Variants in CORO1C observed in about 807,000 individuals in gnomAD.
The protein encoded by CORO1C is coronin-1C.
A neutral mutation model predicts 51.2 loss-of-function variants in CORO1C; 14 were observed. That is an observed-to-expected ratio of 0.27 (90% confidence interval 0.18 to 0.43). The LOEUF (loss-of-function observed/expected upper bound fraction) is 0.43. Among genes scored for constraint, CORO1C ranks in the 20% least tolerant of loss-of-function variants. The probability of loss-of-function intolerance (pLI) is 1.00; values close to 1 mark genes in which losing one functional copy is unlikely to be tolerated. For synonymous variants in CORO1C, 181 were observed against 210.5 expected (o/e 0.86, Z 1.21); for missense variants, 417 against 607.8 (o/e 0.69, Z 3.30).
At chr12:108,729,174 C>T (rs1167652109) in intron 1 of CORO1C, among the ~76,000 whole-genome samples, 1 of 152,158 alleles carries the variant, frequency 6.6e-6, no homozygotes, top group African/African-American at 2.4e-5. Context: ...TGACTCTCTT[C>T]CTCATGGTTG....
intron 2 of CORO1C, among the ~76,000 whole-genome samples, chr12:108,684,088 A>G (rs2034217450): frequency 6.6e-6 from 1 of 152,180 alleles, no homozygotes; most frequent in Non-Finnish European, 1.5e-5. Flanking sequence ...GGTATGCAAC[A>G]TACATACCTA....
At chr12:108,726,664 A>G (rs976149251) in intron 1 of CORO1C, among the ~76,000 whole-genome samples, 2 of 151,840 alleles carry the variant, frequency 1.3e-5, no homozygotes, top group African/African-American at 2.4e-5. Context: ...TAAAAAAAAA[A>G]AAAAAGAATG....
chr12:108,731,165 G>A lies in CORO1C; in HGVS notation c.-6+264C>T, dbSNP rs115217311. 0.025 allele frequency: 3,866 copies of A among 153,162 alleles called. 174 individuals are homozygous for A. The highest frequency in any genetic ancestry group is 0.089 in the African/African-American group (3,698 of 41,482). 9.5% of individuals were successfully genotyped at this position (153,162 alleles called of 1,614,324 possible). ...GACCTCGAAAGCCTCCTCCCCACAG[G>A]GACCCTGCTTCACGCTCCCCACGCC... On this transcript the variant is annotated intron_variant, in intron 1 of 10. Coordinates refer to ENST00000261401, the MANE Select transcript of CORO1C (RefSeq NM_014325.4). The surrounding 1 kb of genome is among the most constrained non-coding windows in gnomAD (Gnocchi z 5.2).
intron 4 of CORO1C, among the ~76,000 whole-genome samples, chr12:108,660,471 A>G (rs891450093): frequency 3.7e-4 from 55 of 147,870 alleles, no homozygotes; most frequent in Admixed American, 2.0e-3. Context: ...AAAAAAAAAA[A>G]AAGAAGTAGG....
At position 108,647,245 on chromosome 12, in the gene CORO1C, T is replaced by C; in HGVS notation, c.*158A>G. On this transcript the variant is annotated 3_prime_UTR_variant, in exon 11 of 11. Transcript: ENST00000261401. ...CAAATTTGGGAGACAAATTGAGTTCTTACTGGAATGTGGCCTATCGCTGGT... is the reference window on the plus strand; with the variant it reads ...CAAATTTGGGAGACAAATTGAGTTCCTACTGGAATGTGGCCTATCGCTGGT... The C allele has an allele frequency of 1.7e-6, 1 of 575,952 alleles. No individual in the cohort carries two copies. Among genetic ancestry groups the C allele is most frequent in the Non-Finnish European group, 2.9e-6 (1 of 341,044 alleles). The allele number at this position is 575,952 out of a possible 1,614,324, so 35.7% of individuals were successfully genotyped here.
chr12:108,675,459 T>C (rs1476398711), intron 3 of CORO1C, among the ~76,000 whole-genome samples: 9 of 152,150 alleles, frequency 5.9e-5, no homozygotes, highest in Admixed American at 2.6e-4. Flanking sequence ...ATCAAATATG[T>C]TCAAATCCAT....
chr12:108,669,561 CCTT>C (rs1244577700), intron 3 of CORO1C, among the ~76,000 whole-genome samples: 1 of 151,830 alleles, frequency 6.6e-6, no homozygotes, highest in South Asian at 2.1e-4. Flanking sequence ...CCCAGGATCT[CCTT>C]GATATCCTTC....
intron 1 of CORO1C, among the ~76,000 whole-genome samples, chr12:108,713,190 C>A (rs1323083948): frequency 6.6e-6 from 1 of 152,174 alleles, no homozygotes; most frequent in Non-Finnish European, 1.5e-5. Context: ...GTCAGATACA[C>A]AACAGATCTC....
intron 10 of CORO1C, among the ~76,000 whole-genome samples, chr12:108,648,330 T>C (rs1459165436): frequency 6.6e-6 from 1 of 152,076 alleles, no homozygotes; most frequent in Non-Finnish European, 1.5e-5. Context: ...CACTGAGAGA[T>C]AGGAGGAAAC....
chr12:108,679,168 G>GT (rs2034034767), intron 2 of CORO1C, among the ~76,000 whole-genome samples: 2 of 68,430 alleles, frequency 2.9e-5, no homozygotes, highest in African/African-American at 4.8e-5. Context: ...AATTTAAAAA[G>GT]TTAAAAAAAA....
At position 108,658,654 on chromosome 12, in the gene CORO1C, G is replaced by GT; in HGVS notation, c.630+83dup. 1 of 1,412,540 alleles carries GT rather than the reference G, an allele frequency of 7.1e-7. No homozygotes were observed. The highest frequency in any genetic ancestry group is 9.9e-7 in the Non-Finnish European group (1 of 1,015,216). 87.5% of individuals were successfully genotyped at this position (1,412,540 alleles called of 1,614,324 possible). On this transcript the variant is annotated intron_variant, in intron 5 of 10. Coordinates refer to ENST00000261401, the MANE Select transcript of CORO1C (RefSeq NM_014325.4). The surrounding 1 kb of genome is among the most constrained non-coding windows in gnomAD (Gnocchi z 4.9). ...ACACACAACAGGGTCCCACTGACCA[G>GT]TACCGCTGCCTGCCTTAAAAAGCAG...
intron 2 of CORO1C, 38 bp downstream of exon 2, chr12:108,701,082 TATCA>T (rs770517447): frequency 1.3e-6 from 2 of 1,594,230 alleles, no homozygotes; most frequent in Non-Finnish European, 1.7e-6. Flanking sequence ...GTATGGAGAC[TATCA>T]GAGGGTGTCT....
At chr12:108,655,920 C>T (rs1439275039) in intron 6 of CORO1C, among the ~76,000 whole-genome samples, 1 of 151,304 alleles carries the variant, frequency 6.6e-6, no homozygotes, top group Non-Finnish European at 1.5e-5. Flanking sequence ...GCCGCCATCC[C>T]GTCTAGGAAG....
chr12:108,674,331 G>A (rs1236777326), intron 3 of CORO1C, among the ~76,000 whole-genome samples: 2 of 152,186 alleles, frequency 1.3e-5, no homozygotes, highest in Non-Finnish European at 2.9e-5. Flanking sequence ...GGCGGATCGC[G>A]AGATCAGGAG....
chr12:108,654,742 G>A (rs748629343), intron 6 of CORO1C, among the ~76,000 whole-genome samples: 4 of 148,908 alleles, frequency 2.7e-5, no homozygotes, highest in African/African-American at 9.9e-5. Flanking sequence ...TCCCTCTGTC[G>A]CCCAGGCTGG....
intron 2 of CORO1C, among the ~76,000 whole-genome samples, chr12:108,686,426 T>C (rs1191081112): frequency 1.3e-5 from 2 of 152,360 alleles, no homozygotes; most frequent in Non-Finnish European, 2.9e-5. Flanking sequence ...CCACCAATCT[T>C]CTAAAGCTTA....
chr12:108,698,199 G>C (rs1237556226), intron 2 of CORO1C, among the ~76,000 whole-genome samples: 1 of 152,234 alleles, frequency 6.6e-6, no homozygotes, highest in East Asian at 1.9e-4. Context: ...GCTGGGCTCA[G>C]CTTTGCCTTA....
chr12:108,699,003 T>C (rs1029856764), intron 2 of CORO1C, among the ~76,000 whole-genome samples: 2 of 152,204 alleles, frequency 1.3e-5, no homozygotes, highest in Non-Finnish European at 2.9e-5. Context: ...CTTATACCAA[T>C]GTCACCTCCT....
At chr12:108,675,354 G>C (rs796820764) in intron 3 of CORO1C, among the ~76,000 whole-genome samples, 8 of 152,232 alleles carry the variant, frequency 5.3e-5, no homozygotes, top group African/African-American at 1.9e-4. Context: ...AGACTATGAT[G>C]GTCATTTCAA....
Sources: gnomAD v4.1 joint callset for allele counts (sites outside exome capture counted in the v4.1 genomes callset) on GRCh38, gnomAD v4.1.1 for gene constraint, Gnocchi (gnomAD v3.1) non-coding constraint, MANE v1.5 for transcripts, NCBI Gene and HGNC (gene_info 2026-07-23, HGNC 2026-07-21) for gene names.